Variants in RIC1 observed in about 807,000 individuals in gnomAD.
RIC1 encodes RIC1 partner of RAB6A GEF complex.
In RIC1, 88 loss-of-function variants were observed where a neutral mutation model predicts 169.0. The observed-to-expected ratio is 0.52, with a 90% CI of 0.44 to 0.62. The LOEUF is 0.62. Ranked by LOEUF, RIC1 falls within the 20% of genes least tolerant of loss-of-function variation. The probability of loss-of-function intolerance (pLI) is 0.00; values close to 1 mark genes in which losing one functional copy is unlikely to be tolerated. For synonymous variants in RIC1, 790 were observed against 601.5 expected (o/e 1.31, Z -4.59); for missense variants, 1,877 against 1,725.5 (o/e 1.09, Z -1.56).
intron 1 of RIC1, among the ~76,000 whole-genome samples, chr9:5,646,736 CTG>C (rs779398628): frequency 1.3e-5 from 2 of 152,132 alleles, no homozygotes; most frequent in Non-Finnish European, 2.9e-5. Flanking sequence ...TGACACGTGA[CTG>C]TATTTTCTTC....
intron 2 of RIC1, among the ~76,000 whole-genome samples, chr9:5,663,749 G>A (rs1050509502): frequency 4.6e-5 from 7 of 152,084 alleles, no homozygotes; most frequent in African/African-American, 1.7e-4. Context: ...GCTGGGTCTT[G>A]GTTCTTTATT....
intron 8 of RIC1, among the ~76,000 whole-genome samples, chr9:5,740,338 A>G (rs1483561312): frequency 6.6e-6 from 1 of 152,100 alleles, no homozygotes; most frequent in Non-Finnish European, 1.5e-5. Flanking sequence ...TTAGGCAGCC[A>G]ACTCTAGAAA....
chr9:5,688,383 C>G (rs942406234), intron 2 of RIC1, among the ~76,000 whole-genome samples: 2 of 152,188 alleles, frequency 1.3e-5, no homozygotes, highest in African/African-American at 2.4e-5. Context: ...TCAAGGATGA[C>G]TGGCCTTCAT....
At chr9:5,655,461 G>A (rs10975213) in intron 1 of RIC1, among the ~76,000 whole-genome samples, 2 of 151,436 alleles carry the variant, frequency 1.3e-5, no homozygotes, top group Admixed American at 6.6e-5. Context: ...CCACCACACC[G>A]GGCTAATTTT....
intron 1 of RIC1, among the ~76,000 whole-genome samples, chr9:5,635,515 A>G (rs1313887089): frequency 1.3e-5 from 2 of 151,578 alleles, no homozygotes; most frequent in Admixed American, 6.6e-5. Flanking sequence ...TTATTTCTGG[A>G]CTCCATTCTG....
At position 5,650,605 on chromosome 9, in the gene RIC1, G is replaced by C. The variant is rs530290433; in HGVS notation, c.145-5978G>C. Among the ~76,000 whole-genome samples the C allele has an allele frequency of 2.0e-5, 3 of 152,130 alleles. No homozygotes were observed. The East Asian group carries it at 5.8e-4, about 30-fold the overall frequency. ...TGCTCCAAGCAGTGTCAGGAACATT[G>C]ACACTGGCATGCTGGGAGATTCTGT... On this transcript the variant is annotated intron_variant, in intron 1 of 25. Coordinates refer to ENST00000414202, the MANE Select transcript of RIC1 (RefSeq NM_020829.4).
At chr9:5,748,240 C>G (rs1313727364) in intron 12 of RIC1, among the ~76,000 whole-genome samples, 1 of 152,096 alleles carries the variant, frequency 6.6e-6, no homozygotes, top group Non-Finnish European at 1.5e-5. Flanking sequence ...TACATCAAAG[C>G]CCACTCTTAG....
At chr9:5,753,414 T>C (rs1178920889) in intron 13 of RIC1, 122 bp from the exon 14 acceptor site, 3 of 809,862 alleles carry the variant, frequency 3.7e-6, no homozygotes, top group Admixed American at 2.7e-5. Flanking sequence ...ATTTGGACTT[T>C]AAAATATTTA....
intron 1 of RIC1, among the ~76,000 whole-genome samples, chr9:5,642,333 G>A (rs529691935): frequency 6.9e-6 from 1 of 144,848 alleles, no homozygotes; most frequent in Admixed American, 6.7e-5. Context: ...AACTAAGCTG[G>A]GTTAGACCTG....
intron 6 of RIC1, among the ~76,000 whole-genome samples, chr9:5,724,617 A>G (rs965386769): frequency 6.6e-6 from 1 of 152,156 alleles, no homozygotes; most frequent in Non-Finnish European, 1.5e-5. Flanking sequence ...GTGGTGAGAG[A>G]GGACATCCCT....
chr9:5,640,043 T>C (rs1818164431), intron 1 of RIC1, among the ~76,000 whole-genome samples: 1 of 152,212 alleles, frequency 6.6e-6, no homozygotes, highest in African/African-American at 2.4e-5. Context: ...TGTCTTTTGA[T>C]TGGAGAGTTT....
At chr9:5,674,336 C>A (rs903676755) in intron 2 of RIC1, among the ~76,000 whole-genome samples, 1 of 151,962 alleles carries the variant, frequency 6.6e-6, no homozygotes, top group Admixed American at 6.6e-5. Context: ...AATGTTAATT[C>A]ATGTTTTAAA....
chr9:5,689,312 A>G (rs1203451535), intron 2 of RIC1, among the ~76,000 whole-genome samples: 1 of 152,022 alleles, frequency 6.6e-6, no homozygotes, highest in African/African-American at 2.4e-5. Flanking sequence ...TGGCCTCCCA[A>G]AATACTGGGA....
At chr9:5,750,103 A>G (rs1234597722) in intron 12 of RIC1, among the ~76,000 whole-genome samples, 3 of 150,962 alleles carry the variant, frequency 2.0e-5, no homozygotes, top group Non-Finnish European at 2.9e-5. Flanking sequence ...AGCACCAGCC[A>G]AGGTGCTTTT....
At chr9:5,650,455 T>G (rs1459746656) in intron 1 of RIC1, among the ~76,000 whole-genome samples, 1 of 151,906 alleles carries the variant, frequency 6.6e-6, no homozygotes, top group African/African-American at 2.4e-5. Context: ...CAACAGTGGA[T>G]AGAGAGAGCC....
chr9:5,706,538 T>C (rs1822597567), intron 3 of RIC1, among the ~76,000 whole-genome samples: 1 of 152,200 alleles, frequency 6.6e-6, no homozygotes, highest in African/African-American at 2.4e-5. Context: ...TTCATTCTTA[T>C]TTAAATATTG....
intron 12 of RIC1, among the ~76,000 whole-genome samples, chr9:5,752,851 A>G (rs940970656): frequency 6.6e-6 from 1 of 152,202 alleles, no homozygotes; most frequent in African/African-American, 2.4e-5. Context: ...GGAATGGTTT[A>G]TATCAGCAAA....
chr9:5,729,180 A>G (rs1345135878), intron 6 of RIC1, among the ~76,000 whole-genome samples: 1 of 152,158 alleles, frequency 6.6e-6, no homozygotes, highest in Non-Finnish European at 1.5e-5. Flanking sequence ...TTTATTTTCT[A>G]TCCCTGTTTT....
At chr9:5,725,697 A>G (rs201404260) in intron 6 of RIC1, among the ~76,000 whole-genome samples, 2 of 151,748 alleles carry the variant, frequency 1.3e-5, no homozygotes, top group African/African-American at 4.8e-5. Context: ...TGGGCATTTA[A>G]TCCTATAAAT....
Sources: allele counts gnomAD v4.1 joint callset (sites outside exome capture counted in the v4.1 genomes callset), GRCh38; gene constraint gnomAD v4.1.1; transcripts MANE v1.5; gene names NCBI Gene and HGNC (gene_info 2026-07-23, HGNC 2026-07-21).